COL4A3: variants seen among roughly 807,000 people sequenced by gnomAD.
COL4A3 encodes collagen alpha-3(IV) chain.
Under a neutral mutation model 217.4 loss-of-function variants are expected in COL4A3, and 135 were observed. That is an observed-to-expected ratio of 0.62 (90% CI 0.54 to 0.72). The LOEUF (loss-of-function observed/expected upper bound fraction) is 0.72, where lower values mean the gene tolerates loss of function less well. COL4A3 is among the 30% of genes least tolerant of loss of function. The probability of loss-of-function intolerance (pLI) is 0.00; values close to 1 mark genes in which losing one functional copy is unlikely to be tolerated. For synonymous variants in COL4A3, 690 were observed against 736.3 expected (o/e 0.94, Z 1.02); for missense variants, 1,868 against 2,119.9 (o/e 0.88, Z 2.33).
chr2:227,229,347 G>A (rs1287297009), intron 1 of COL4A3, among the ~76,000 whole-genome samples: 1 of 152,134 alleles, frequency 6.6e-6, no homozygotes. Context: ...TGTGCTCTTA[G>A]GCAAATGATA....
chr2:227,210,467 G>C (rs1377775827), intron 1 of COL4A3, among the ~76,000 whole-genome samples: 1 of 144,226 alleles, frequency 6.9e-6, no homozygotes, highest in East Asian at 2.2e-4. Context: ...GCACGCACCT[G>C]TAGTCCCAGC....
chr2:227,297,677 C>A lies in COL4A3; in HGVS notation c.3569C>A (p.Ala1190Asp). Residue 1190 changes from alanine (A) to aspartate (D), a missense_variant, in exon 42 of 52, where the codon GCC becomes GAC. Ala to Asp is a moderately radical substitution (Grantham distance 126). This residue lies in a region of COL4A3 where 1,503 missense variants were observed against 1,786.1 expected (regional missense o/e 0.84). Coordinates refer to ENST00000396578, the MANE Select transcript of COL4A3 (RefSeq NM_000091.5). ...GPRGNPGAQG[A>D]KGDRGAPGFP... ...TATTAAGCCTTCTTCTTTGCAGGAG[C>A]CAAAGGAGACAGGGGAGCCCCAGGT... The A allele has an allele frequency of 6.2e-7, 1 of 1,606,844 alleles. No individual in the cohort carries two copies.
intron 1 of COL4A3, among the ~76,000 whole-genome samples, chr2:227,172,736 G>A (rs2065535961): frequency 6.6e-6 from 1 of 151,740 alleles, no homozygotes; most frequent in African/African-American, 2.4e-5. Context: ...TCAGGCATAG[G>A]CCACCACACC....
intron 20 of COL4A3, 107 bp from the exon 21 acceptor site, chr2:227,263,673 A>G (rs2070726734): frequency 1.7e-6 from 2 of 1,165,780 alleles, no homozygotes; most frequent in African/African-American, 3.1e-5. Context: ...GTACCTCTCC[A>G]TTGTGCAATT....
intron 48 of COL4A3, among the ~76,000 whole-genome samples, chr2:227,308,379 A>AT (rs1476803053): frequency 6.6e-6 from 1 of 152,058 alleles, no homozygotes; most frequent in African/African-American, 2.4e-5. Flanking sequence ...TACCAAGCTA[A>AT]TTTTTTTGAT....
At chr2:227,273,249 G>C in intron 26 of COL4A3, 132 bp downstream of exon 26, 1 of 983,180 alleles carries the variant, frequency 1.0e-6, no homozygotes, top group Non-Finnish European at 1.6e-6. Context: ...TCAACTCACA[G>C]ATACCAGGAA....
chr2:227,234,752 T>C (rs1379415621), intron 1 of COL4A3, among the ~76,000 whole-genome samples: 1 of 152,166 alleles, frequency 6.6e-6, no homozygotes, highest in African/African-American at 2.4e-5. Flanking sequence ...CAACAAACAC[T>C]TGCTTAAGCT....
At chr2:227,265,154 T>C (rs1247128827) in intron 21 of COL4A3, 1 of 152,256 alleles carries the variant, frequency 6.6e-6, no homozygotes, top group East Asian at 1.9e-4. Context: ...TACTCAGATA[T>C]TTTTTGAATT....
intron 1 of COL4A3, among the ~76,000 whole-genome samples, chr2:227,189,262 T>C (rs1196270384): frequency 6.6e-6 from 1 of 152,044 alleles, no homozygotes; most frequent in Non-Finnish European, 1.5e-5. Context: ...AGAAACATCA[T>C]GAGATTTGTG....
At chr2:227,207,115 C>G (rs1391079174) in intron 1 of COL4A3, among the ~76,000 whole-genome samples, 2 of 152,136 alleles carry the variant, frequency 1.3e-5, no homozygotes, top group Non-Finnish European at 2.9e-5. Flanking sequence ...GGGCCCTGTC[C>G]TACCCTCCAA....
At chr2:227,248,976 T>C (rs564587526) in intron 9 of COL4A3, among the ~76,000 whole-genome samples, 2 of 151,454 alleles carry the variant, frequency 1.3e-5, no homozygotes, top group African/African-American at 4.8e-5. Context: ...CCAGTTGAAG[T>C]TGAGATAATA....
chr2:227,218,732 A>AAGCAC (rs1426329498), intron 1 of COL4A3, among the ~76,000 whole-genome samples: 1 of 152,232 alleles, frequency 6.6e-6, no homozygotes, highest in Admixed American at 6.5e-5. Flanking sequence ...GAAAGGTGGA[A>AAGCAC]ATAGAATCAT....
At chr2:227,225,798 A>C (rs963541119) in intron 1 of COL4A3, among the ~76,000 whole-genome samples, 2 of 144,256 alleles carry the variant, frequency 1.4e-5, no homozygotes, top group East Asian at 4.0e-4. Flanking sequence ...TGCAACCTCC[A>C]CCTCCCAGGT....
At chr2:227,219,205 T>A (rs1392791685) in intron 1 of COL4A3, among the ~76,000 whole-genome samples, 1 of 152,170 alleles carries the variant, frequency 6.6e-6, no homozygotes, top group Non-Finnish European at 1.5e-5. Context: ...TTCTCCATGT[T>A]GGTCAGGCTG....
At chr2:227,183,541 G>C (rs532033909) in intron 1 of COL4A3, among the ~76,000 whole-genome samples, 1 of 152,130 alleles carries the variant, frequency 6.6e-6, no homozygotes, top group Non-Finnish European at 1.5e-5. Context: ...GCATTAGGGG[G>C]CATACAGGTA....
chr2:227,293,627 G>A (rs911153586), intron 38 of COL4A3: 10 of 467,584 alleles, frequency 2.1e-5, no homozygotes, highest in African/African-American at 2.0e-4. Flanking sequence ...GTATTAGTTT[G>A]TCCAGGCTTC....
At chr2:227,248,260 A>T (rs1175450308) in intron 8 of COL4A3, 183 bp from the exon 9 acceptor site, 3 of 596,042 alleles carry the variant, frequency 5.0e-6, no homozygotes, top group Non-Finnish European at 9.2e-6. Context: ...TTTTGATTTT[A>T]GAAAATATGA....
chr2:227,280,841 C>A, intron 30 of COL4A3, 52 bp from the exon 31 acceptor site: 1 of 1,339,244 alleles, frequency 7.5e-7, no homozygotes, highest in Non-Finnish European at 1.0e-6. Context: ...TACAGCAATA[C>A]CAAGACCTTA....
At chr2:227,208,034 G>A (rs959878178) in intron 1 of COL4A3, among the ~76,000 whole-genome samples, 7 of 118,364 alleles carry the variant, frequency 5.9e-5, no homozygotes, top group East Asian at 2.4e-4. Context: ...CCACACACAC[G>A]AAACCACCTT....
Sources: gnomAD v4.1 joint callset for allele counts (sites outside exome capture counted in the v4.1 genomes callset) on GRCh38, gnomAD v4.1.1 for gene constraint, gnomAD v4.1.1 regional missense constraint, MANE v1.5 for transcripts, NCBI Gene and HGNC (gene_info 2026-07-23, HGNC 2026-07-21) for gene names.